Variants in KCNK1 observed in about 807,000 individuals in gnomAD.
KCNK1 encodes the protein potassium channel subfamily K member 1.
KCNK1 carries 10 observed loss-of-function variants against 22.2 expected under a neutral mutation model. The observed-to-expected ratio is 0.45, with a 90% CI of 0.28 to 0.76. The LOEUF (loss-of-function observed/expected upper bound fraction) is 0.76, where lower values mean the gene tolerates loss of function less well. Among genes scored for constraint, KCNK1 ranks in the 30% least tolerant of loss-of-function variants. The pLI, the probability that KCNK1 is intolerant of heterozygous loss-of-function variation, is 0.14. For synonymous variants in KCNK1, 200 were observed against 186.4 expected, an observed-to-expected ratio of 1.07 and a Z score of -0.60; for missense variants, 378 against 421.0, an observed-to-expected ratio of 0.90 and a Z score of 0.89.
At chr1:233,647,497 G>A (rs1331865147) in intron 1 of KCNK1, among the ~76,000 whole-genome samples, 2 of 152,192 alleles carry the variant, frequency 1.3e-5, no homozygotes, top group African/African-American at 2.4e-5. Context: ...CATGGCTGTG[G>A]ATTGGAGAGT....
intron 1 of KCNK1, among the ~76,000 whole-genome samples, chr1:233,628,085 C>T (rs1263623340): frequency 6.6e-6 from 1 of 152,214 alleles, no homozygotes; most frequent in Non-Finnish European, 1.5e-5. Context: ...TGTGTGCCCT[C>T]AGAATTTCTT....
intron 1 of KCNK1, among the ~76,000 whole-genome samples, chr1:233,616,678 C>G (rs1004178853): frequency 6.6e-6 from 1 of 152,222 alleles, no homozygotes; most frequent in African/African-American, 2.4e-5. Context: ...ATGAAAAGTA[C>G]TCTTCTGTTG....
intron 1 of KCNK1, among the ~76,000 whole-genome samples, chr1:233,640,833 T>C (rs1181630291): frequency 6.6e-6 from 1 of 152,182 alleles, no homozygotes; most frequent in Non-Finnish European, 1.5e-5. Flanking sequence ...GCCTCCCATG[T>C]AGCTAAGATT....
chr1:233,644,566 T>C (rs547742907), intron 1 of KCNK1, among the ~76,000 whole-genome samples: 2 of 152,248 alleles, frequency 1.3e-5, no homozygotes, highest in South Asian at 2.1e-4. Flanking sequence ...GAGGCTATTA[T>C]AGGAAGGGTG....
At chr1:233,665,683 G>T (rs1658476181) in intron 1 of KCNK1, among the ~76,000 whole-genome samples, 1 of 148,216 alleles carries the variant, frequency 6.7e-6, no homozygotes, top group Non-Finnish European at 1.5e-5. Context: ...AGTCTTCAGT[G>T]GGGGCAGAGC....
rs1232389514 is a variant in KCNK1, at chr1:233,614,218, G to C, written c.47G>C (p.Arg16Pro). The change falls in exon 1 of 3, where the codon CGG (arginine) becomes CCG (proline). Residue 16 changes from arginine (R) to proline (P), a missense_variant. By Grantham distance (103) the Arg-to-Pro change is moderately radical. Transcript: ENST00000366621. ...AGSSCVRLVE[R>P]HRSAWCFGFL... ...AGCTCGTGCGTGCGCCTGGTGGAGC[G>C]GCACCGCTCGGCCTGGTGCTTCGGC... The C allele has an allele frequency of 1.9e-6, 3 of 1,610,962 alleles. No individual in the cohort carries two copies. Among genetic ancestry groups the C allele is most frequent in the South Asian group, 1.1e-5 (1 of 90,904 alleles).
chr1:233,642,065 C>T (rs945603528), intron 1 of KCNK1, among the ~76,000 whole-genome samples: 1 of 150,716 alleles, frequency 6.6e-6, no homozygotes, highest in African/African-American at 2.4e-5. Context: ...TGTCAATCAT[C>T]TGTCTCCTGT....
In KCNK1 at chr1:233,641,202, T is replaced by C. The variant is rs1034824126; in HGVS notation, c.356-25393T>C. Among the ~76,000 whole-genome samples the C allele has an allele frequency of 2.6e-5, 4 of 152,220 alleles. No homozygotes were observed. The South Asian group carries it at 6.2e-4, about 24-fold the overall frequency. On this transcript the variant is annotated intron_variant, in intron 1 of 2. Coordinates refer to ENST00000366621, the MANE Select transcript of KCNK1 (RefSeq NM_002245.4). ...TATGGCTCTCACCAGGTGTTTTCACTCTACTTTCTGCCTGTCGGAGGGCTG... is the reference window on the plus strand; with the variant it reads ...TATGGCTCTCACCAGGTGTTTTCACCCTACTTTCTGCCTGTCGGAGGGCTG...
chr1:233,643,344 G>A (rs1658035891), intron 1 of KCNK1, among the ~76,000 whole-genome samples: 1 of 152,114 alleles, frequency 6.6e-6, no homozygotes, highest in South Asian at 2.1e-4. Context: ...TGGCCAATGG[G>A]CATGTTCGGG....
chr1:233,665,627 C>T (rs889970248), intron 1 of KCNK1, among the ~76,000 whole-genome samples: 2 of 145,640 alleles, frequency 1.4e-5, no homozygotes, highest in African/African-American at 5.0e-5. Context: ...CCCAAAGAAT[C>T]CCCTGGTCGG....
At chr1:233,639,944 A>T (rs1359355765) in intron 1 of KCNK1, among the ~76,000 whole-genome samples, 1 of 152,228 alleles carries the variant, frequency 6.6e-6, no homozygotes, top group Non-Finnish European at 1.5e-5. Context: ...GCATTGGGAC[A>T]TATAGAAAAG....
At chr1:233,638,845 C>T (rs1019563725) in intron 1 of KCNK1, among the ~76,000 whole-genome samples, 8 of 152,238 alleles carry the variant, frequency 5.3e-5, no homozygotes, top group Non-Finnish European at 1.0e-4. Flanking sequence ...TTCTGCTGAG[C>T]AGCTTGTTCT....
chr1:233,671,468 CAA>C lies in KCNK1; in HGVS notation c.952_953del (p.Asn318Ter), dbSNP rs755030248. 1.9e-6 allele frequency: 3 copies of C among 1,614,174 alleles called. No homozygotes were observed. In the South Asian group the frequency reaches 3.3e-5, roughly 18 times the overall value. Reference protein sequence around the residue: ...QAAGMKEDQKQNEPFVATQSS... With the variant: ...QAAGMKEDQKXNEPFVATQSS... ...AGCTGGCATGAAAGAGGACCAGAAG[CAA>C]AATGAGCCTTTTGTGGCCACCCAGT... is the stretch of plus-strand genomic sequence containing the variant. On this transcript the variant is annotated frameshift_variant, in exon 3 of 3. Coordinates refer to ENST00000366621, the MANE Select transcript of KCNK1 (RefSeq NM_002245.4). LOFTEE classifies it low-confidence loss of function (END_TRUNC).
chr1:233,671,195 TGG>T, intron 2 of KCNK1, 74 bp from the exon 3 acceptor site: 1 of 1,310,356 alleles, frequency 7.6e-7, no homozygotes, highest in East Asian at 2.3e-5. Flanking sequence ...TGGCATGAGG[TGG>T]GGAGGTAAAT....
At chr1:233,627,380 AGG>A (rs1382292723) in intron 1 of KCNK1, among the ~76,000 whole-genome samples, 13 of 152,370 alleles carry the variant, frequency 8.5e-5, no homozygotes, top group Non-Finnish European at 1.8e-4. Context: ...CGGGTTACCA[AGG>A]CACTTAATTA....
At chr1:233,660,147 T>A (rs1318684790) in intron 1 of KCNK1, among the ~76,000 whole-genome samples, 1 of 152,258 alleles carries the variant, frequency 6.6e-6, no homozygotes, top group Non-Finnish European at 1.5e-5. Flanking sequence ...AATATACTTA[T>A]ATATTGAGTA....
chr1:233,635,594 T>TA (rs1657883648), intron 1 of KCNK1, among the ~76,000 whole-genome samples: 1 of 85,800 alleles, frequency 1.2e-5, no homozygotes, highest in African/African-American at 6.7e-5. Flanking sequence ...AAGCCAATAA[T>TA]TTTTTTTTGT....
rs754278686 is a variant in KCNK1, at chr1:233,666,702, C to T, written c.463C>T (p.Arg155Cys). 44 of 1,613,970 alleles carry T rather than the reference C, an allele frequency of 2.7e-5. No homozygotes were observed. The highest frequency in any genetic ancestry group is 6.7e-5 in the Admixed American group (4 of 59,988). ...TLLFLTAVVQRITVHVTRRPV... is the reference protein window; with the variant it reads ...TLLFLTAVVQCITVHVTRRPV... ...CCTGTTCCTGACGGCTGTGGTCCAG[C>T]GCATCACCGTGCACGTCACCCGCAG... The change falls in exon 2 of 3, where the codon CGC (arginine) becomes TGC (cysteine). Residue 155 changes from arginine (R) to cysteine (C), a missense_variant. Transcript: ENST00000366621.
chr1:233,658,878 GGTGA>G (rs1473093724), intron 1 of KCNK1, among the ~76,000 whole-genome samples: 3 of 152,132 alleles, frequency 2.0e-5, no homozygotes, highest in Non-Finnish European at 2.9e-5. Flanking sequence ...AGTTGCTCTG[GGTGA>G]GTGAGTAAGT....
Sources: gnomAD v4.1 joint callset for allele counts (sites outside exome capture counted in the v4.1 genomes callset) on GRCh38, gnomAD v4.1.1 for gene constraint, MANE v1.5 for transcripts, NCBI Gene and HGNC (gene_info 2026-07-23, HGNC 2026-07-21) for gene names.